SLC25A21: variants seen among roughly 807,000 people sequenced by gnomAD.
SLC25A21 encodes the protein mitochondrial 2-oxodicarboxylate carrier.
In SLC25A21, 47 loss-of-function variants were observed where a neutral mutation model predicts 43.8. That is an observed-to-expected ratio of 1.07 (90% CI 0.85 to 1.37). SLC25A21 has a LOEUF of 1.37. Ranked by LOEUF, SLC25A21 falls within the 40% of genes most tolerant of loss-of-function variation. The pLI is 0.00. For missense variants in SLC25A21, 352 were observed against 350.2 expected (o/e 1.00, Z -0.04); for synonymous variants, 131 against 121.3 (o/e 1.08, Z -0.52).
chr14:36,892,243 A>G (rs980358497), intron 1 of SLC25A21, among the ~76,000 whole-genome samples: 16 of 152,152 alleles, frequency 1.1e-4, no homozygotes, highest in African/African-American at 2.4e-5. Flanking sequence ...CAGCAATCCT[A>G]CTACTGAGTA....
intron 1 of SLC25A21, among the ~76,000 whole-genome samples, chr14:36,972,561 G>A (rs963212654): frequency 6.6e-6 from 1 of 151,868 alleles, no homozygotes; most frequent in African/African-American, 2.4e-5. Context: ...AGGCTTAGGG[G>A]ACAAGGCAGC....
intron 7 of SLC25A21, among the ~76,000 whole-genome samples, chr14:36,700,370 C>G (rs1409331820): frequency 6.6e-6 from 1 of 152,168 alleles, no homozygotes; most frequent in Non-Finnish European, 1.5e-5. Flanking sequence ...CAATGAAAAA[C>G]TGCAGTATTC....
At chr14:37,154,177 C>A (rs1340181279) in intron 1 of SLC25A21, among the ~76,000 whole-genome samples, 1 of 152,114 alleles carries the variant, frequency 6.6e-6, no homozygotes, top group Non-Finnish European at 1.5e-5. Context: ...TGGAAACTGG[C>A]CCACCTGGCA....
At chr14:37,026,980 A>C (rs1359889838) in intron 1 of SLC25A21, among the ~76,000 whole-genome samples, 2 of 152,174 alleles carry the variant, frequency 1.3e-5, no homozygotes, top group South Asian at 4.1e-4. Context: ...AACAATTCTA[A>C]GAATTTTTTT....
intron 1 of SLC25A21, among the ~76,000 whole-genome samples, chr14:36,982,685 C>T (rs1003370081): frequency 3.3e-5 from 5 of 151,968 alleles, no homozygotes; most frequent in Non-Finnish European, 5.9e-5. Context: ...CATGGTGGCA[C>T]ACACCTGTAG....
intron 7 of SLC25A21, among the ~76,000 whole-genome samples, chr14:36,701,814 T>C (rs893695823): frequency 6.6e-6 from 1 of 152,194 alleles, no homozygotes; most frequent in Non-Finnish European, 1.5e-5. Flanking sequence ...TCTGTTGTAG[T>C]GTGTTCTCTC....
chr14:37,091,383 G>A lies in SLC25A21; in HGVS notation c.70+80898C>T, dbSNP rs932284835. Among the ~76,000 whole-genome samples, 15 of 151,582 alleles carry A rather than the reference G, an allele frequency of 9.9e-5. No individual in the cohort carries two copies. The East Asian group carries it at 1.6e-3, about 16-fold the overall frequency. On this transcript the variant is annotated intron_variant, in intron 1 of 9. Coordinates refer to ENST00000331299, the MANE Select transcript of SLC25A21 (RefSeq NM_030631.4). ...TGAGAGGCAAAGCTTGAAGTGAACCGAGATTGCACCACTGCGCTCCAGCCC... is the reference window on the plus strand; with the variant it reads ...TGAGAGGCAAAGCTTGAAGTGAACCAAGATTGCACCACTGCGCTCCAGCCC...
chr14:36,799,906 T>C (rs752148343), intron 3 of SLC25A21, among the ~76,000 whole-genome samples: 3 of 152,162 alleles, frequency 2.0e-5, no homozygotes, highest in Non-Finnish European at 2.9e-5. Context: ...CAAAAATATA[T>C]GTAGTATTAT....
At chr14:36,855,087 A>G (rs1889859209) in intron 2 of SLC25A21, among the ~76,000 whole-genome samples, 3 of 152,114 alleles carry the variant, frequency 2.0e-5, no homozygotes, top group Admixed American at 1.3e-4. Flanking sequence ...ATAATTCTGA[A>G]CAATGTCAGT....
intron 1 of SLC25A21, among the ~76,000 whole-genome samples, chr14:36,941,711 T>A (rs1001654655): frequency 4.0e-5 from 6 of 151,882 alleles, no homozygotes; most frequent in Non-Finnish European, 7.4e-5. Context: ...GGTCAAAATA[T>A]TAACTGCTAA....
At chr14:37,087,629 T>A (rs1962509952) in intron 1 of SLC25A21, among the ~76,000 whole-genome samples, 1 of 152,216 alleles carries the variant, frequency 6.6e-6, no homozygotes, top group African/African-American at 2.4e-5. Context: ...ATCTAGATAT[T>A]GGGATGATGT....
intron 1 of SLC25A21, among the ~76,000 whole-genome samples, chr14:37,024,400 T>C (rs1381827075): frequency 6.6e-6 from 1 of 152,012 alleles, no homozygotes; most frequent in Non-Finnish European, 1.5e-5. Flanking sequence ...AAAGCCCTGA[T>C]TGGACCCACA....
At chr14:36,807,156 TG>T (rs1258216070) in intron 3 of SLC25A21, 1 of 152,210 alleles carries the variant, frequency 6.6e-6, no homozygotes, top group African/African-American at 2.4e-5. Flanking sequence ...TGAATCTGCA[TG>T]GCAGATTATC....
chr14:36,906,294 C>T (rs1048275339), intron 1 of SLC25A21, among the ~76,000 whole-genome samples: 25 of 151,868 alleles, frequency 1.6e-4, no homozygotes, highest in African/African-American at 4.6e-4. Flanking sequence ...TAAAAAATTC[C>T]AGAAACATGT....
rs189546035 is a variant in SLC25A21 at position 37,037,170 on chromosome 14, C to A, written c.70+135111G>T. Among the ~76,000 whole-genome samples, 31 of 152,244 alleles carry A rather than the reference C, an allele frequency of 2.0e-4. 1 individual carries two copies. The East Asian group carries it at 4.2e-3, about 21-fold the overall frequency. On this transcript the variant is annotated intron_variant, in intron 1 of 9. Coordinates refer to ENST00000331299, the MANE Select transcript of SLC25A21 (RefSeq NM_030631.4). ...AGAAAAAACTGTTTCCAAGTTATTT[C>A]TAAATTTTCACACAATTTACTAAGA...
intron 1 of SLC25A21, among the ~76,000 whole-genome samples, chr14:37,020,978 T>C (rs1451449816): frequency 3.3e-5 from 5 of 152,024 alleles, no homozygotes; most frequent in African/African-American, 7.2e-5. Flanking sequence ...TTTAAAGGTA[T>C]ACATTTGTTA....
chr14:36,764,083 G>GAGAGAGA lies in SLC25A21; in HGVS notation c.204-29511_204-29510insTCTCTCT, dbSNP rs1213150423. 2.0e-4 allele frequency among the ~76,000 whole-genome samples: 4 copies of GAGAGAGA among 19,736 alleles called. 1 individual carries two copies. Among genetic ancestry groups the GAGAGAGA allele is most frequent in the Non-Finnish European group, 3.7e-4 (4 of 10,750 alleles). 12.9% of individuals were successfully genotyped at this position (19,736 alleles called of 152,430 possible). ...AAGAAAGAAAGAAAGAAAGAAAGAA[G>GAGAGAGA]GAAGGAAGGAAGGAAGGAAGGAAGG... On this transcript the variant is annotated intron_variant, in intron 3 of 9. Coordinates refer to ENST00000331299, the MANE Select transcript of SLC25A21 (RefSeq NM_030631.4).
chr14:36,777,138 G>C (rs1261075024), intron 3 of SLC25A21, among the ~76,000 whole-genome samples: 1 of 152,032 alleles, frequency 6.6e-6, no homozygotes, highest in Admixed American at 6.5e-5. Flanking sequence ...GGTGCCTGTA[G>C]TCCCAGCTAC....
At chr14:36,999,980 A>G (rs1191048694) in intron 1 of SLC25A21, among the ~76,000 whole-genome samples, 1 of 152,224 alleles carries the variant, frequency 6.6e-6, no homozygotes, top group Admixed American at 6.5e-5. Context: ...CCTGACACAC[A>G]TAGCAGATAC....
Sources: allele counts gnomAD v4.1 joint callset (sites outside exome capture counted in the v4.1 genomes callset), GRCh38; gene constraint gnomAD v4.1.1; transcripts MANE v1.5; gene names NCBI Gene and HGNC (gene_info 2026-07-23, HGNC 2026-07-21).